LCORL: variants seen among roughly 807,000 people sequenced by gnomAD.
The protein encoded by LCORL is ligand dependent nuclear receptor corepressor like.
LCORL carries 41 observed loss-of-function variants against 141.8 expected under a neutral mutation model. That is an observed-to-expected ratio of 0.29 (90% CI 0.23 to 0.38). LCORL has a LOEUF of 0.38. Ranked by LOEUF, LCORL falls within the 10% of genes least tolerant of loss-of-function variation. The pLI is 1.00. For synonymous variants in LCORL, 618 were observed against 694.1 expected (o/e 0.89, Z 1.72); for missense variants, 1,759 against 2,035.0 (o/e 0.86, Z 2.61).
rs938063906 is a variant in LCORL at position 17,873,439 on chromosome 4, G to A, written c.5551C>T (p.Arg1851Ter). The A allele has an allele frequency of 1.5e-5, 18 of 1,233,722 alleles. No homozygotes were observed. Among genetic ancestry groups the A allele is most frequent in the Admixed American group, 8.4e-5 (2 of 23,680 alleles). 76.4% of individuals were successfully genotyped at this position (1,233,722 alleles called of 1,614,324 possible). ...ATTTGTCCACTGTTGCAAGACTGTC[G>A]TTTATGTCTTTTTGTTGACATTTCT... The change falls in exon 7 of 8, where the codon CGA (arginine) becomes TGA (stop). Residue 1851 changes from arginine (R) to a stop codon, truncating the protein, a stop_gained. Coordinates refer to ENST00000635767, the Ensembl canonical transcript of LCORL. LOFTEE classifies it high-confidence loss of function.
intron 2 of LCORL, among the ~76,000 whole-genome samples, chr4:17,964,656 GGACA>G (rs1166472237): frequency 6.6e-6 from 1 of 152,040 alleles, no homozygotes; most frequent in African/African-American, 2.4e-5. Context: ...CCCCTCACTA[GGACA>G]GAATCACCAT....
chr4:17,941,756 T>G (rs768640356), intron 4 of LCORL, among the ~76,000 whole-genome samples: 1 of 152,176 alleles, frequency 6.6e-6, no homozygotes, highest in Non-Finnish European at 1.5e-5. Flanking sequence ...CTAGATACAT[T>G]ACCCCAATGT....
chr4:17,895,706 T>C (rs1400818593), intron 5 of LCORL, among the ~76,000 whole-genome samples: 6 of 152,216 alleles, frequency 3.9e-5, no homozygotes, highest in African/African-American at 7.2e-5. Context: ...TGCTCTCCCT[T>C]GTCCTATGAC....
At position 17,884,537 on chromosome 4, in the gene LCORL, T is replaced by A. The variant is rs1222969279; in HGVS notation, c.776+1531A>T. Reference sequence around the variant, plus strand: ...ACTGTCCTTATATGAATAACTATCATGGAAATCTCGAGTTTTGTTTTTAAA... The same window carrying A: ...ACTGTCCTTATATGAATAACTATCAAGGAAATCTCGAGTTTTGTTTTTAAA... On this transcript the variant is annotated intron_variant, in intron 6 of 7. Transcript: ENST00000635767. The surrounding 1 kb of genome is among the most constrained non-coding windows in gnomAD (Gnocchi z 4.4). 1.3e-6 allele frequency: 2 copies of A among 1,535,972 alleles called. No individual in the cohort carries two copies. The highest frequency in any genetic ancestry group is 1.2e-5 in the South Asian group (1 of 82,008).
chr4:17,843,024 A>T (rs1163140243), exon 8 of LCORL: 1 of 221,992 alleles, frequency 4.5e-6, no homozygotes, highest in Non-Finnish European at 9.0e-6. Flanking sequence ...TCGTTTAATT[A>T]CAAGCTTCAT....
At chr4:17,851,224 C>T (rs892418570) in intron 7 of LCORL, among the ~76,000 whole-genome samples, 1 of 151,462 alleles carries the variant, frequency 6.6e-6, no homozygotes, top group African/African-American at 2.4e-5. Flanking sequence ...CACATGTATA[C>T]ATATGTAAGA....
Position 17,940,630 on chromosome 4 carries a change from AT to A in LCORL, c.430+21272del, listed in dbSNP as rs574123340. 7.2e-5 allele frequency among the ~76,000 whole-genome samples: 11 copies of A among 151,838 alleles called. No individual in the cohort carries two copies. The South Asian group carries it at 2.1e-3, about 29-fold the overall frequency. ...AAATAATTAAAGATATGATATAAAA[AT>A]ATTTATGATTTCTATTATCGGAACA... On this transcript the variant is annotated intron_variant, in intron 4 of 7. Transcript: ENST00000635767.
At chr4:17,978,648 G>A (rs1205677561) in intron 1 of LCORL, among the ~76,000 whole-genome samples, 1 of 151,512 alleles carries the variant, frequency 6.6e-6, no homozygotes, top group African/African-American at 2.4e-5. Context: ...GTGGGAACTT[G>A]AATAATGATT....
At chr4:17,952,573 G>A (rs1019384399) in intron 4 of LCORL, among the ~76,000 whole-genome samples, 4 of 151,766 alleles carry the variant, frequency 2.6e-5, no homozygotes, top group Non-Finnish European at 5.9e-5. Context: ...CCGCCACCAC[G>A]CCCGGCTAAT....
In LCORL at chr4:18,021,627, G is replaced by C. The variant is rs1392082700; in HGVS notation, c.125C>G (p.Ser42Cys). Reference sequence around the variant, plus strand: ...ACAGTGCATGAGGCGGTGGCGCCAAGAGTCGAGTTCCCGCCGGAATCCTCT... The same window carrying C: ...ACAGTGCATGAGGCGGTGGCGCCAACAGTCGAGTTCCCGCCGGAATCCTCT... Residue 42 changes from serine (S) to cysteine (C), a missense_variant, in exon 1 of 8, where the codon TCT (serine) becomes TGT (cysteine). Coordinates refer to ENST00000635767, the Ensembl canonical transcript of LCORL. This position sits in a 1 kb window ranked among gnomAD's most constrained non-coding sequence, Gnocchi z 5.5. The C allele has an allele frequency of 6.5e-7, 1 of 1,545,972 alleles. No homozygotes were observed. The highest frequency in any genetic ancestry group is 1.7e-4 in the Middle Eastern group (1 of 5,960).
chr4:17,942,067 T>A (rs182541065), intron 4 of LCORL, among the ~76,000 whole-genome samples: 1 of 152,178 alleles, frequency 6.6e-6, no homozygotes, highest in Non-Finnish European at 1.5e-5. Flanking sequence ...CTAACCAGTA[T>A]GGTACTCAAG....
exon 8 of LCORL, chr4:17,841,400 A>T (rs1722388876): frequency 6.6e-6 from 1 of 151,982 alleles, no homozygotes; most frequent in Non-Finnish European, 1.5e-5. Context: ...GAGTCTGGTC[A>T]TAATATTGTT....
intron 4 of LCORL, among the ~76,000 whole-genome samples, chr4:17,931,192 AC>A (rs1027278233): frequency 4.0e-5 from 6 of 151,706 alleles, no homozygotes; most frequent in South Asian, 2.1e-4. Context: ...TCTCTCTATT[AC>A]CCCCTCTCCT....
intron 4 of LCORL, among the ~76,000 whole-genome samples, chr4:17,958,553 T>C (rs1713139253): frequency 6.6e-6 from 1 of 152,002 alleles, no homozygotes; most frequent in African/African-American, 2.4e-5. Context: ...AGGCATTTTA[T>C]ATCTATATGC....
intron 2 of LCORL, among the ~76,000 whole-genome samples, chr4:17,967,111 A>G (rs969003101): frequency 6.6e-6 from 1 of 152,178 alleles, no homozygotes; most frequent in Admixed American, 6.5e-5. Context: ...GAAAAGTAAT[A>G]GAGGACCCTT....
chr4:18,000,126 CTTTT>C (rs11407271), intron 1 of LCORL, among the ~76,000 whole-genome samples: 14 of 130,720 alleles, frequency 1.1e-4, no homozygotes, highest in Admixed American at 2.3e-4. Context: ...ATTTGTGGTT[CTTTT>C]TTTTTTTTTT....
intron 1 of LCORL, among the ~76,000 whole-genome samples, chr4:17,990,096 GTTTTTTTTTT>G (rs372033680): frequency 8.2e-6 from 1 of 122,652 alleles, no homozygotes; most frequent in Non-Finnish European, 1.7e-5. Context: ...AACTCTCTGC[GTTTTTTTTTT>G]TTTTTTTTTT....
At chr4:17,897,213 C>CCTTTT (rs1553863446) in intron 5 of LCORL, among the ~76,000 whole-genome samples, 2,509 of 63,986 alleles carry the variant, frequency 0.039, 1,177 homozygotes, top group Non-Finnish European at 0.042. Context: ...ATACTGATTT[C>CCTTTT]TTTTTTTTTT....
chr4:17,997,134 G>C (rs1216584722), intron 1 of LCORL, among the ~76,000 whole-genome samples: 3 of 152,094 alleles, frequency 2.0e-5, no homozygotes, highest in Non-Finnish European at 1.5e-5. Flanking sequence ...GTTTCTTCTA[G>C]TTTTATCACA....
Sources: gnomAD v4.1 joint callset for allele counts (sites outside exome capture counted in the v4.1 genomes callset) on GRCh38, gnomAD v4.1.1 for gene constraint, Gnocchi (gnomAD v3.1) non-coding constraint, MANE v1.5 for transcripts, NCBI Gene and HGNC (gene_info 2026-07-23, HGNC 2026-07-21) for gene names.